The following PHACTR3 variants were observed in gnomAD, a reference collection of about 807,000 sequenced individuals.
PHACTR3 encodes the protein protein phosphatase 1, regulatory subunit 123.
Under a neutral mutation model 66.8 loss-of-function variants are expected in PHACTR3, and 16 were observed. The observed-to-expected ratio is 0.24, with a 90% CI of 0.16 to 0.36. The LOEUF is 0.36. PHACTR3 is among the 10% of genes least tolerant of loss of function. The pLI, the probability that PHACTR3 is intolerant of heterozygous loss-of-function variation, is 1.00. For synonymous variants in PHACTR3, 323 were observed against 292.1 expected (o/e 1.11, Z -1.08); for missense variants, 647 against 719.9 (o/e 0.90, Z 1.16).
At position 59,790,638 on chromosome 20, in the gene PHACTR3, T is replaced by G. The variant is rs1042654040; in HGVS notation, c.1175-15403T>G. On this transcript the variant is annotated intron_variant, in intron 7 of 12. Coordinates refer to ENST00000371015, the MANE Select transcript of PHACTR3 (RefSeq NM_080672.5). ...AAGAGCTGGATTAAAACACCCTGCT[T>G]TGGAACCAGGACCAGCTGTGGTGTG... 2.0e-5 allele frequency among the ~76,000 whole-genome samples: 3 copies of G among 152,240 alleles called. No individual in the cohort carries two copies. The South Asian group carries it at 6.2e-4, about 32-fold the overall frequency.
At position 59,766,894 on chromosome 20, in the gene PHACTR3, T is replaced by C. The variant is rs112465140; in HGVS notation, c.542-292T>C. On this transcript the variant is annotated intron_variant, in intron 4 of 12. Coordinates refer to ENST00000371015, the MANE Select transcript of PHACTR3 (RefSeq NM_080672.5). Reference sequence around the variant, plus strand: ...GTGTGTCTGACTCCAAAACCTGGCATGGTGAACACTGCTCCTAGGTGAGGT... The same window carrying C: ...GTGTGTCTGACTCCAAAACCTGGCACGGTGAACACTGCTCCTAGGTGAGGT... Among the ~76,000 whole-genome samples, 730 of 152,334 alleles carry C rather than the reference T, an allele frequency of 4.8e-3. 3 individuals are homozygous for C. The highest frequency in any genetic ancestry group is 0.017 in the African/African-American group (692 of 41,574).
intron 8 of PHACTR3, among the ~76,000 whole-genome samples, chr20:59,833,078 T>A (rs1380330657): frequency 6.6e-6 from 1 of 151,746 alleles, no homozygotes; most frequent in Admixed American, 6.5e-5. Context: ...GTCCTGGCAC[T>A]CTGTAAGTAG....
intron 1 of PHACTR3, among the ~76,000 whole-genome samples, chr20:59,582,202 T>C (rs1432883272): frequency 2.0e-5 from 3 of 152,210 alleles, no homozygotes; most frequent in African/African-American, 7.2e-5. Context: ...CATAAGCATG[T>C]GCTTTTTAAA....
At chr20:59,720,554 C>G (rs1257964780) in intron 1 of PHACTR3, among the ~76,000 whole-genome samples, 2 of 152,228 alleles carry the variant, frequency 1.3e-5, no homozygotes, top group South Asian at 4.1e-4. Context: ...CCACTCAGGG[C>G]TGGTCTCCCT....
chr20:59,586,235 T>C (rs1331501826), intron 1 of PHACTR3, among the ~76,000 whole-genome samples: 1 of 152,116 alleles, frequency 6.6e-6, no homozygotes. Context: ...TCATTGCCAC[T>C]CCCCCAGAGG....
chr20:59,635,689 T>C (rs1485770696), intron 1 of PHACTR3, among the ~76,000 whole-genome samples: 1 of 152,236 alleles, frequency 6.6e-6, no homozygotes, highest in Non-Finnish European at 1.5e-5. Flanking sequence ...TAAAGGATTT[T>C]GGGCAGTACA....
intron 1 of PHACTR3, among the ~76,000 whole-genome samples, chr20:59,614,229 C>T (rs75321379): frequency 0.027 from 4,116 of 152,316 alleles, 81 homozygotes; most frequent in Middle Eastern, 0.071. Flanking sequence ...TGTGTTTCAC[C>T]CCCATTCCTG....
chr20:59,795,684 A>G (rs2041235288), intron 7 of PHACTR3, among the ~76,000 whole-genome samples: 2 of 152,110 alleles, frequency 1.3e-5, no homozygotes, highest in Admixed American at 1.3e-4. Flanking sequence ...ATATATTTAC[A>G]ATGGTAACAT....
chr20:59,659,632 A>G (rs1413893068), intron 1 of PHACTR3, among the ~76,000 whole-genome samples: 1 of 151,994 alleles, frequency 6.6e-6, no homozygotes, highest in African/African-American at 2.4e-5. Flanking sequence ...CAGCCTCCCA[A>G]AGTGCTGGGA....
intron 1 of PHACTR3, among the ~76,000 whole-genome samples, chr20:59,703,762 T>C (rs2037595503): frequency 6.6e-6 from 1 of 152,154 alleles, no homozygotes; most frequent in African/African-American, 2.4e-5. Context: ...AGTTCTTGTC[T>C]GTCGTCCTCA....
At position 59,846,672 on chromosome 20, in the gene PHACTR3, CCTA is replaced by C. The variant is rs2059154256; in HGVS notation, c.1665-442_1665-440del. ...AATACTTAAAATGTGGTATAAAGAC[CCTA>C]AAATTATTTCAACAATTCAAGAGTC... On this transcript the variant is annotated intron_variant, in intron 12 of 12. Transcript: ENST00000371015. Among the ~76,000 whole-genome samples the C allele has an allele frequency of 4.6e-5, 7 of 151,926 alleles. No individual in the cohort carries two copies. The South Asian group carries it at 1.5e-3, about 32-fold the overall frequency.
At chr20:59,597,927 C>T (rs2033369860) in intron 1 of PHACTR3, among the ~76,000 whole-genome samples, 1 of 152,242 alleles carries the variant, frequency 6.6e-6, no homozygotes, top group South Asian at 2.1e-4. Context: ...CTCTGTCTAT[C>T]AGCAATCTTT....
intron 1 of PHACTR3, among the ~76,000 whole-genome samples, chr20:59,669,325 C>A (rs549729338): frequency 6.6e-6 from 1 of 152,314 alleles, no homozygotes; most frequent in East Asian, 1.9e-4. Context: ...CAATTACTGA[C>A]CCCTGGGGAC....
intron 1 of PHACTR3, among the ~76,000 whole-genome samples, chr20:59,653,607 G>A (rs2035527202): frequency 1.3e-5 from 2 of 152,092 alleles, no homozygotes; most frequent in Admixed American, 6.5e-5. Context: ...CATGATTAGT[G>A]TTATTATTAG....
intron 1 of PHACTR3, among the ~76,000 whole-genome samples, chr20:59,674,647 C>CCTCTTCCCA (rs2036350299): frequency 8.4e-6 from 1 of 119,314 alleles, no homozygotes; most frequent in Admixed American, 8.3e-5. Context: ...CTGTTCCTCT[C>CCTCTTCCCA]CCTTCTCCTG....
chr20:59,577,571 C>T, exon 1 of PHACTR3: 2 of 1,205,194 alleles, frequency 1.7e-6, no homozygotes, highest in Non-Finnish European at 2.1e-6. Context: ...TGCTGGGCGC[C>T]TTCGGGGCCC....
At chr20:59,798,776 G>T (rs1039584395) in intron 7 of PHACTR3, among the ~76,000 whole-genome samples, 1 of 151,904 alleles carries the variant, frequency 6.6e-6, no homozygotes, top group Non-Finnish European at 1.5e-5. Flanking sequence ...TCTTCCTGAT[G>T]AATTATTTTC....
Position 59,830,524 on chromosome 20 carries a change from A to C in PHACTR3, c.1329-5981A>C, listed in dbSNP as rs908217054. ...GGTGTGAGCATCCGTCTGATGGAGG[A>C]GGCTGTGAGTGTCTGAAGGAGGAGT... is the stretch of plus-strand genomic sequence containing the variant. On this transcript the variant is annotated intron_variant, in intron 8 of 12. Transcript: ENST00000371015. This position sits in a 1 kb window ranked among gnomAD's most constrained non-coding sequence, Gnocchi z 5.8. 1.3e-5 allele frequency among the ~76,000 whole-genome samples: 2 copies of C among 152,078 alleles called. No individual in the cohort carries two copies. Among genetic ancestry groups the C allele is most frequent in the African/African-American group, 4.8e-5 (2 of 41,406 alleles).
intron 1 of PHACTR3, among the ~76,000 whole-genome samples, chr20:59,722,914 C>T (rs896545972): frequency 8.5e-5 from 13 of 152,144 alleles, no homozygotes; most frequent in Admixed American, 7.8e-4. Context: ...CAGATGGACT[C>T]CTATATGGTG....
Sources: gnomAD v4.1 joint callset for allele counts (sites outside exome capture counted in the v4.1 genomes callset) on GRCh38, gnomAD v4.1.1 for gene constraint, Gnocchi (gnomAD v3.1) non-coding constraint, MANE v1.5 for transcripts, NCBI Gene and HGNC (gene_info 2026-07-23, HGNC 2026-07-21) for gene names.